VPS13D: variants seen among roughly 807,000 people sequenced by gnomAD.
The protein encoded by VPS13D is intermembrane lipid transfer protein VPS13D.
Under a neutral mutation model 461.9 loss-of-function variants are expected in VPS13D, and 187 were observed. The ratio of observed to expected loss-of-function variants is 0.40; its 90% CI spans 0.36 to 0.46. The LOEUF is 0.46. VPS13D is among the 20% of genes least tolerant of loss of function. VPS13D has a pLI of 0.60. For missense variants in VPS13D, 4,711 were observed against 5,364.9 expected, an observed-to-expected ratio of 0.88 and a Z score of 3.81; for synonymous variants, 1,951 against 1,986.3, an observed-to-expected ratio of 0.98 and a Z score of 0.47.
At position 12,244,456 on chromosome 1, in the gene VPS13D, G is replaced by A. The variant is rs746578277; in HGVS notation, c.366+20G>A. On this transcript the variant is annotated intron_variant, in intron 4 of 69. Transcript: ENST00000620676. ...TGGAAGGCAAGGCAGAGATCTTCTG[G>A]GCCATAAGAGCAGTTGTGGTGACAC... 7.4e-6 allele frequency: 12 copies of A among 1,613,946 alleles called. No homozygotes were observed. The highest frequency in any genetic ancestry group is 1.0e-5 in the Non-Finnish European group (12 of 1,179,906).
chr1:12,504,100 C>T (rs909402860), intron 68 of VPS13D, among the ~76,000 whole-genome samples: 1 of 151,988 alleles, frequency 6.6e-6, no homozygotes, highest in Admixed American at 6.6e-5. Flanking sequence ...GGGGTCTGGT[C>T]TGGAGCTGTT....
chr1:12,260,158 T>TGGGACTAC lies in VPS13D; in HGVS notation c.1111-534_1111-527dup, dbSNP rs569431559. ...CTCCTGCCTCAGCCTCCTGAGTAGC[T>TGGGACTAC]GGGACTACAGGCGCCTGCCACCACG... On this transcript the variant is annotated intron_variant, in intron 10 of 69. Transcript: ENST00000620676. 5.3e-3 allele frequency among the ~76,000 whole-genome samples: 800 copies of TGGGACTAC among 151,688 alleles called. 6 individuals are homozygous for TGGGACTAC. Among genetic ancestry groups the TGGGACTAC allele is most frequent in the African/African-American group, 0.018 (726 of 41,388 alleles).
chr1:12,440,156 G>A (rs1008761246), intron 65 of VPS13D, among the ~76,000 whole-genome samples: 2 of 152,190 alleles, frequency 1.3e-5, no homozygotes, highest in African/African-American at 4.8e-5. Flanking sequence ...AGAGAGAGGC[G>A]CTGAGAAATC....
intron 5 of VPS13D, among the ~76,000 whole-genome samples, chr1:12,246,398 C>T (rs1031324667): frequency 6.6e-6 from 1 of 152,122 alleles, no homozygotes; most frequent in Admixed American, 6.5e-5. Context: ...TGAGTGCCCA[C>T]ATGATACTCA....
chr1:12,372,785 G>T (rs1644138012), intron 54 of VPS13D, among the ~76,000 whole-genome samples: 1 of 147,082 alleles, frequency 6.8e-6, no homozygotes, highest in Admixed American at 6.8e-5. Context: ...TTTTAACGCT[G>T]AATTAATCCA....
rs1157666628 is a variant in VPS13D, at chr1:12,282,949, C to T, written c.4847C>T (p.Thr1616Ile). ...TCAGTGAAGGAAGTCAAATCCTTTA[C>T]TCAGATTCAAGCCACCTTTTGTATA... ...SLSVKEVKSF[T>I]QIQATFCISE... Residue 1616 changes from threonine (T) to isoleucine (I), a missense_variant, in exon 21 of 70, where the codon ACT becomes ATT. This residue lies in a region of VPS13D where 4,411 missense variants were observed against 4,937.8 expected (regional missense o/e 0.89). Coordinates refer to ENST00000620676, the MANE Select transcript of VPS13D (RefSeq NM_015378.4). The T allele has an allele frequency of 6.8e-6, 11 of 1,614,038 alleles. No homozygotes were observed. The highest frequency in any genetic ancestry group is 6.8e-6 in the Non-Finnish European group (8 of 1,180,024).
In VPS13D at chr1:12,495,189, G is replaced by A. The variant is rs372019321; in HGVS notation, c.12663-2311G>A. 1.4e-5 allele frequency among the ~76,000 whole-genome samples: 2 copies of A among 142,830 alleles called. No individual in the cohort carries two copies. The highest frequency in any genetic ancestry group is 4.1e-4 in the East Asian group (2 of 4,932). 93.7% of individuals were successfully genotyped at this position (142,830 alleles called of 152,430 possible). A position where few individuals can be genotyped will look rare whatever the true frequency, so the allele number is the denominator to read the frequency against. On this transcript the variant is annotated intron_variant, in intron 67 of 69. Coordinates refer to ENST00000620676, the MANE Select transcript of VPS13D (RefSeq NM_015378.4). This position sits in a 1 kb window ranked among gnomAD's most constrained non-coding sequence, Gnocchi z 4.0. ...TTTTGAGACAGAGTCTTGCTCTGTCGCCCAGGCTGGAGTGCAGTGGCAGGA... is the reference window on the plus strand; with the variant it reads ...TTTTGAGACAGAGTCTTGCTCTGTCACCCAGGCTGGAGTGCAGTGGCAGGA...
chr1:12,467,813 GTACAT>G (rs1455223341), intron 67 of VPS13D, among the ~76,000 whole-genome samples: 2 of 151,746 alleles, frequency 1.3e-5, no homozygotes, highest in Admixed American at 1.3e-4. Flanking sequence ...TTTGGTCATG[GTACAT>G]TATAATCATT....
intron 53 of VPS13D, among the ~76,000 whole-genome samples, chr1:12,369,089 G>A (rs971616639): frequency 6.6e-6 from 1 of 152,000 alleles, no homozygotes; most frequent in Non-Finnish European, 1.5e-5. Context: ...ATTTTTTTCT[G>A]TATTCAAAAT....
At chr1:12,466,757 C>T (rs1645489347) in intron 67 of VPS13D, among the ~76,000 whole-genome samples, 1 of 152,326 alleles carries the variant, frequency 6.6e-6, no homozygotes, top group Non-Finnish European at 1.5e-5. Flanking sequence ...TGTCTTTTGG[C>T]TTGGTGTAAC....
chr1:12,358,415 T>G (rs766862230), intron 49 of VPS13D, 44 bp from the exon 50 acceptor site: 4 of 1,608,182 alleles, frequency 2.5e-6, no homozygotes, highest in Non-Finnish European at 2.5e-6. Context: ...AGATAAGACT[T>G]TCTTGTGGAT....
rs563815284 is a variant in VPS13D at position 12,283,525 on chromosome 1, G to C, written c.5423G>C (p.Arg1808Pro). Reference sequence around the variant, plus strand: ...TCTTCCAGTTACAATCGAGTTAACCGGAGCATTGATGTTGATTTTAATTGC... The same window carrying C: ...TCTTCCAGTTACAATCGAGTTAACCCGAGCATTGATGTTGATTTTAATTGC... Reference protein sequence around the residue: ...EFSSSYNRVNRSIDVDFNCLD... With the variant: ...EFSSSYNRVNPSIDVDFNCLD... The change falls in exon 21 of 70, where the codon CGG becomes CCG. Residue 1808 changes from arginine (R) to proline (P), a missense_variant. This residue lies in a region of VPS13D where 4,411 missense variants were observed against 4,937.8 expected (regional missense o/e 0.89). Transcript: ENST00000620676. 6.8e-6 allele frequency: 11 copies of C among 1,614,070 alleles called. No individual in the cohort carries two copies. The highest frequency in any genetic ancestry group is 1.6e-4 in the Middle Eastern group (1 of 6,084).
chr1:12,321,327 C>G (rs923248215), intron 32 of VPS13D, among the ~76,000 whole-genome samples: 1 of 152,008 alleles, frequency 6.6e-6, no homozygotes, highest in Non-Finnish European at 1.5e-5. Flanking sequence ...TGGTGTGTTT[C>G]TTTCCTTAAA....
At chr1:12,241,328 T>C (rs1640348477) in intron 2 of VPS13D, among the ~76,000 whole-genome samples, 1 of 152,260 alleles carries the variant, frequency 6.6e-6, no homozygotes, top group Non-Finnish European at 1.5e-5. Context: ...CATTATTTTG[T>C]ACTTGGAGTA....
At chr1:12,250,291 C>G (rs988622611) in intron 6 of VPS13D, among the ~76,000 whole-genome samples, 1 of 152,164 alleles carries the variant, frequency 6.6e-6, no homozygotes, top group Non-Finnish European at 1.5e-5. Flanking sequence ...ATTACTTGAT[C>G]TTTCTGTGAT....
intron 57 of VPS13D, among the ~76,000 whole-genome samples, chr1:12,379,958 A>T (rs923280525): frequency 6.6e-6 from 1 of 151,994 alleles, no homozygotes; most frequent in Non-Finnish European, 1.5e-5. Context: ...TTTAGTAGAG[A>T]TGGAGTTTCA....
intron 60 of VPS13D, among the ~76,000 whole-genome samples, chr1:12,391,223 C>G (rs1644422523): frequency 6.6e-6 from 1 of 152,216 alleles, no homozygotes. Flanking sequence ...TTTTCCTTAA[C>G]TGCTGTCCTT....
chr1:12,407,027 G>T (rs1420505047), intron 63 of VPS13D, among the ~76,000 whole-genome samples: 2 of 152,116 alleles, frequency 1.3e-5, no homozygotes, highest in Non-Finnish European at 1.5e-5. Context: ...ATAATTTGTT[G>T]GGAAACTTCA....
intron 67 of VPS13D, among the ~76,000 whole-genome samples, chr1:12,489,944 G>A (rs746907182): frequency 1.3e-5 from 2 of 152,266 alleles, no homozygotes; most frequent in Non-Finnish European, 2.9e-5. Flanking sequence ...CTCCAGAGCC[G>A]ATCCTCTCAG....
Sources: allele counts gnomAD v4.1 joint callset (sites outside exome capture counted in the v4.1 genomes callset), GRCh38; gene constraint gnomAD v4.1.1; regional missense constraint gnomAD v4.1.1; non-coding constraint Gnocchi (gnomAD v3.1); transcripts MANE v1.5; gene names NCBI Gene and HGNC (gene_info 2026-07-23, HGNC 2026-07-21).